Variants in PTPRK observed in about 807,000 individuals in gnomAD.
The protein encoded by PTPRK is protein tyrosine phosphatase receptor type K, also known as receptor-type tyrosine-protein phosphatase kappa.
Under a neutral mutation model 178.0 loss-of-function variants are expected in PTPRK, and 75 were observed. The ratio of observed to expected loss-of-function variants is 0.42; its 90% CI spans 0.35 to 0.51. PTPRK has a LOEUF of 0.51. Ranked by LOEUF, PTPRK falls within the 20% of genes least tolerant of loss-of-function variation. The pLI is 0.02. For synonymous variants in PTPRK, 637 were observed against 620.6 expected (o/e 1.03, Z -0.39); for missense variants, 1,441 against 1,797.8 (o/e 0.80, Z 3.59).
intron 3 of PTPRK, among the ~76,000 whole-genome samples, chr6:128,314,981 T>C (rs1010503119): frequency 6.8e-5 from 10 of 147,040 alleles, no homozygotes; most frequent in African/African-American, 2.2e-4. Flanking sequence ...CCCCAAGACA[T>C]AGAAAGAGGG....
rs563636377 is a variant in PTPRK at position 128,096,694 on chromosome 6, G to A, written c.1163-6702C>T. On this transcript the variant is annotated intron_variant, in intron 7 of 29. Coordinates refer to ENST00000368226, the MANE Select transcript of PTPRK (RefSeq NM_002844.4). ...AACGCTGAAGCATGACAGGAGCTTC[G>A]TGCTCCTGGCTGCCTTTTCATCAGA... is the stretch of plus-strand genomic sequence containing the variant. 8.5e-5 allele frequency among the ~76,000 whole-genome samples: 13 copies of A among 152,276 alleles called. No individual in the cohort carries two copies. In the South Asian group the frequency reaches 2.7e-3, roughly 32 times the overall value.
At chr6:128,281,372 G>A (rs1041033517) in intron 3 of PTPRK, among the ~76,000 whole-genome samples, 6 of 152,184 alleles carry the variant, frequency 3.9e-5, no homozygotes, top group African/African-American at 1.2e-4. Context: ...ATTTTAGGAA[G>A]AATATAATTA....
In PTPRK at chr6:128,493,635, CACA is replaced by C. The variant is rs1854227232; in HGVS notation, c.100+26621_100+26623del. On this transcript the variant is annotated intron_variant, in intron 1 of 29. Transcript: ENST00000368226. The stretch of plus-strand genomic sequence containing the variant: ...ACACACACACACACACACACACACA[CACA>C]CACACACAGAAACAACTATACTTAT... Among the ~76,000 whole-genome samples the C allele has an allele frequency of 2.1e-5, 3 of 141,508 alleles. No homozygotes were observed. The South Asian group carries it at 6.6e-4, about 31-fold the overall frequency. The allele number at this position is 141,508 out of a possible 152,430, so 92.8% of individuals were successfully genotyped here.
intron 3 of PTPRK, among the ~76,000 whole-genome samples, chr6:128,292,732 G>A (rs7751608): frequency 0.053 from 8,024 of 151,974 alleles, 709 homozygotes; most frequent in African/African-American, 0.18. Context: ...CCTACTCTGT[G>A]TTAACTAGTA....
intron 7 of PTPRK, among the ~76,000 whole-genome samples, chr6:128,137,226 C>A (rs934286146): frequency 3.9e-5 from 6 of 152,130 alleles, no homozygotes; most frequent in African/African-American, 1.4e-4. Context: ...TTCCAGTTCC[C>A]AGTTTAAAGA....
chr6:128,189,314 A>T (rs1369467705), intron 6 of PTPRK, among the ~76,000 whole-genome samples: 1 of 131,896 alleles, frequency 7.6e-6, no homozygotes, highest in African/African-American at 2.9e-5. Flanking sequence ...GTCTCGGCTC[A>T]CTGCAACCTC....
rs34873441 is a variant in PTPRK at position 128,190,490 on chromosome 6, CTTTTTTTTTTTT to C, written c.869-5777_869-5766del. Among the ~76,000 whole-genome samples, 346 of 96,128 alleles carry C rather than the reference CTTTTTTTTTTTT, an allele frequency of 3.6e-3. 6 individuals carry two copies. The highest frequency in any genetic ancestry group is 0.016 in the African/African-American group (309 of 18,972). 63.1% of individuals were successfully genotyped at this position (96,128 alleles called of 152,430 possible). A position where few individuals can be genotyped will look rare whatever the true frequency, so the allele number is the denominator to read the frequency against. ...ACCCATCAATTCAAGTGATAGATAC[CTTTTTTTTTTTT>C]TTTTTTTTTTTTTTTTGACAGAGTC... On this transcript the variant is annotated intron_variant, in intron 6 of 29. Transcript: ENST00000368226.
chr6:128,357,416 G>A (rs1283118324), intron 2 of PTPRK, among the ~76,000 whole-genome samples: 1 of 152,168 alleles, frequency 6.6e-6, no homozygotes, highest in African/African-American at 2.4e-5. Context: ...TTTACCAGTT[G>A]TATAACATCA....
intron 2 of PTPRK, among the ~76,000 whole-genome samples, chr6:128,348,653 T>C (rs562039319): frequency 5.3e-4 from 80 of 152,188 alleles, no homozygotes; most frequent in African/African-American, 1.8e-3. Flanking sequence ...TTCCATTCTT[T>C]GAGAAGTTTT....
At chr6:128,007,619 A>T (rs909437984) in intron 14 of PTPRK, among the ~76,000 whole-genome samples, 1 of 150,922 alleles carries the variant, frequency 6.6e-6, no homozygotes, top group Non-Finnish European at 1.5e-5. Flanking sequence ...ATTATTGCTA[A>T]ATCAGAGGCC....
rs576520075 is a variant in PTPRK, at chr6:128,189,415, T to A, written c.869-4690A>T. ...CCACCACACCCGGCTAATTTTTGTA[T>A]TTTTTAGTAGAGACGGGGTTTCGCT... On this transcript the variant is annotated intron_variant, in intron 6 of 29. Coordinates refer to ENST00000368226, the MANE Select transcript of PTPRK (RefSeq NM_002844.4). Among the ~76,000 whole-genome samples, 17 of 151,560 alleles carry A rather than the reference T, an allele frequency of 1.1e-4. No individual in the cohort carries two copies. In the South Asian group the frequency reaches 3.5e-3, roughly 32 times the overall value.
intron 3 of PTPRK, among the ~76,000 whole-genome samples, chr6:128,285,050 C>G (rs1313643318): frequency 6.6e-6 from 1 of 152,180 alleles, no homozygotes; most frequent in African/African-American, 2.4e-5. Flanking sequence ...CATACCAATA[C>G]TCTCCTATAC....
chr6:128,391,392 T>A (rs1420092490), intron 2 of PTPRK, among the ~76,000 whole-genome samples: 2 of 152,136 alleles, frequency 1.3e-5, no homozygotes, highest in Admixed American at 6.5e-5. Flanking sequence ...GCTAAGTAGA[T>A]GACAAAAAGA....
At chr6:128,146,977 G>C (rs984408724) in intron 7 of PTPRK, among the ~76,000 whole-genome samples, 1 of 152,124 alleles carries the variant, frequency 6.6e-6, no homozygotes, top group Non-Finnish European at 1.5e-5. Context: ...CTGTAAAACA[G>C]ACACTGGAGA....
chr6:128,099,492 A>G (rs2115050669), intron 7 of PTPRK, among the ~76,000 whole-genome samples: 1 of 152,186 alleles, frequency 6.6e-6, no homozygotes, highest in African/African-American at 2.4e-5. Flanking sequence ...CCTTAGAAAG[A>G]TTATGATTTT....
chr6:128,478,841 T>C (rs74931038), intron 1 of PTPRK, among the ~76,000 whole-genome samples: 7,356 of 152,164 alleles, frequency 0.048, 462 homozygotes, highest in African/African-American at 0.14. Flanking sequence ...TGCTAGGAAA[T>C]AAAATTCCTA....
At chr6:127,982,271 A>G (rs902703925) in intron 24 of PTPRK, among the ~76,000 whole-genome samples, 4 of 151,594 alleles carry the variant, frequency 2.6e-5, no homozygotes, top group African/African-American at 9.7e-5. Context: ...TTGACTTGTT[A>G]TTATTTCTTT....
intron 11 of PTPRK, 73 bp from the exon 12 acceptor site, chr6:128,067,865 T>A: frequency 7.3e-7 from 1 of 1,366,570 alleles, no homozygotes; most frequent in Non-Finnish European, 9.7e-7. Flanking sequence ...CTAAGATTTT[T>A]TTTAAGGGGT....
chr6:128,000,416 C>G (rs1353729869), intron 15 of PTPRK: 1 of 862,740 alleles, frequency 1.2e-6, no homozygotes, highest in African/African-American at 1.8e-5. Context: ...TTTACTCCCT[C>G]TTATTAAGCT....
Sources: gnomAD v4.1 joint callset for allele counts (sites outside exome capture counted in the v4.1 genomes callset) on GRCh38, gnomAD v4.1.1 for gene constraint, MANE v1.5 for transcripts, NCBI Gene and HGNC (gene_info 2026-07-23, HGNC 2026-07-21) for gene names.